The following NPTN variants were observed in gnomAD, a reference collection of about 807,000 sequenced individuals.
NPTN encodes the protein SDR-1.
A neutral mutation model predicts 42.7 loss-of-function variants in NPTN; 5 were observed. That is an observed-to-expected ratio of 0.12 (90% CI 0.06 to 0.25). The LOEUF (loss-of-function observed/expected upper bound fraction) is 0.25, where lower values mean the gene tolerates loss of function less well. Among genes scored for constraint, NPTN ranks in the 10% least tolerant of loss-of-function variants. The pLI, the probability that NPTN is intolerant of heterozygous loss-of-function variation, is 1.00. For missense variants in NPTN, 307 were observed against 525.4 expected (o/e 0.58, Z 4.06); for synonymous variants, 180 against 201.9 (o/e 0.89, Z 0.92).
At chr15:73,605,104 G>GGT (rs1566980448) in intron 1 of NPTN, among the ~76,000 whole-genome samples, 1 of 145,944 alleles carries the variant, frequency 6.9e-6, no homozygotes, top group Non-Finnish European at 1.5e-5. Context: ...TCTCAAGGGG[G>GGT]GGGGGGGAAA....
intron 4 of NPTN, among the ~76,000 whole-genome samples, chr15:73,583,267 T>G (rs1896147365): frequency 6.6e-6 from 1 of 152,168 alleles, no homozygotes; most frequent in Non-Finnish European, 1.5e-5. Flanking sequence ...TAACTCTTAG[T>G]CAAGGCCTTT....
At chr15:73,620,862 A>C (rs1302451186) in intron 1 of NPTN, among the ~76,000 whole-genome samples, 1 of 152,216 alleles carries the variant, frequency 6.6e-6, no homozygotes. Context: ...TGGTTTTTCT[A>C]ATATAAACAA....
chr15:73,596,910 A>T (rs914078756), intron 2 of NPTN, 112 bp downstream of exon 2: 2 of 869,588 alleles, frequency 2.3e-6, no homozygotes, highest in East Asian at 5.3e-5. Flanking sequence ...AAACGAAGAC[A>T]AGGGGTGGGG....
chr15:73,574,043 T>C (rs1895553466), intron 4 of NPTN, among the ~76,000 whole-genome samples: 1 of 152,220 alleles, frequency 6.6e-6, no homozygotes, highest in Non-Finnish European at 1.5e-5. Flanking sequence ...TCTACTAATG[T>C]AGGTGATTCT....
rs563652762 is a variant in NPTN, at chr15:73,572,808, T to C, written c.840+854A>G. On this transcript the variant is annotated intron_variant, in intron 5 of 8. Transcript: ENST00000345330. Reference sequence around the variant, plus strand: ...AGTGTCCTATCCTGAAGGCAAGTGATATGGTTTGGATTTTGTCTTCACCCC... The same window carrying C: ...AGTGTCCTATCCTGAAGGCAAGTGACATGGTTTGGATTTTGTCTTCACCCC... Among the ~76,000 whole-genome samples, 13 of 152,320 alleles carry C rather than the reference T, an allele frequency of 8.5e-5. No individual in the cohort carries two copies. In the South Asian group the frequency reaches 2.7e-3, roughly 32 times the overall value.
intron 6 of NPTN, among the ~76,000 whole-genome samples, chr15:73,564,616 T>C (rs1335757181): frequency 6.6e-6 from 1 of 151,968 alleles, no homozygotes; most frequent in Non-Finnish European, 1.5e-5. Flanking sequence ...AACTAAGACT[T>C]AAGGACACCC....
chr15:73,574,086 G>C (rs1290862071), intron 4 of NPTN, among the ~76,000 whole-genome samples: 1 of 152,174 alleles, frequency 6.6e-6, no homozygotes, highest in Non-Finnish European at 1.5e-5. Context: ...AGGTCCAACT[G>C]CCCTCAATTA....
chr15:73,580,492 TACATAAA>T (rs1481286308), intron 4 of NPTN, among the ~76,000 whole-genome samples: 22 of 134,908 alleles, frequency 1.6e-4, no homozygotes, highest in African/African-American at 6.2e-4. Flanking sequence ...AATATATATA[TACATAAA>T]TATATATATT....
At chr15:73,628,767 TTTTA>T (rs1462976794) in intron 1 of NPTN, among the ~76,000 whole-genome samples, 21 of 152,030 alleles carry the variant, frequency 1.4e-4, no homozygotes, top group Admixed American at 7.2e-4. Context: ...AAATAATTAT[TTTTA>T]TTTAAACTTT....
intron 2 of NPTN, among the ~76,000 whole-genome samples, chr15:73,595,751 C>A (rs1896808338): frequency 6.6e-6 from 1 of 152,138 alleles, no homozygotes; most frequent in African/African-American, 2.4e-5. Context: ...CAATTATAAC[C>A]AGGTTTGATG....
At chr15:73,588,961 G>T (rs1896454835) in intron 3 of NPTN, among the ~76,000 whole-genome samples, 1 of 152,120 alleles carries the variant, frequency 6.6e-6, no homozygotes, top group South Asian at 2.1e-4. Context: ...ATGAATTACT[G>T]AGTGAACACA....
intron 5 of NPTN, among the ~76,000 whole-genome samples, chr15:73,573,414 G>A (rs1244813464): frequency 6.6e-6 from 1 of 152,120 alleles, no homozygotes; most frequent in Non-Finnish European, 1.5e-5. Context: ...AGTGAGAATG[G>A]ACTAATACAG....
At chr15:73,581,305 T>A (rs1896031048) in intron 4 of NPTN, among the ~76,000 whole-genome samples, 1 of 152,204 alleles carries the variant, frequency 6.6e-6, no homozygotes, top group African/African-American at 2.4e-5. Flanking sequence ...TCTGAGCGTC[T>A]AACTAAGCCT....
At chr15:73,607,701 T>C (rs1163342655) in intron 1 of NPTN, among the ~76,000 whole-genome samples, 3 of 152,214 alleles carry the variant, frequency 2.0e-5, no homozygotes, top group Non-Finnish European at 2.9e-5. Context: ...AAATAGCTTA[T>C]AGCAGAAATC....
At position 73,573,810 on chromosome 15, in the gene NPTN, T is replaced by TA. The variant is rs1895541543; in HGVS notation, c.707-16dup. On this transcript the variant is annotated splice_polypyrimidine_tract_variant and intron_variant, in intron 4 of 8. Transcript: ENST00000345330. ...GTCAGGAGCGGCTGTGAGAAAGCGT[T>TA]AGACGCAGTTACCACGGAAGTCTAC... 1 of 1,604,776 alleles carries TA rather than the reference T, an allele frequency of 6.2e-7. No homozygotes were observed. The highest frequency in any genetic ancestry group is 8.5e-7 in the Non-Finnish European group (1 of 1,176,024).
intron 1 of NPTN, among the ~76,000 whole-genome samples, chr15:73,602,846 C>G (rs1206053571): frequency 6.6e-6 from 1 of 152,210 alleles, no homozygotes; most frequent in Non-Finnish European, 1.5e-5. Context: ...GTACCTTGAT[C>G]AGGCAGATAT....
At chr15:73,577,551 C>G (rs1337166359) in intron 4 of NPTN, among the ~76,000 whole-genome samples, 1 of 152,196 alleles carries the variant, frequency 6.6e-6, no homozygotes, top group African/African-American at 2.4e-5. Flanking sequence ...GGTAACAACC[C>G]TTTCCCAAAA....
intron 1 of NPTN, among the ~76,000 whole-genome samples, chr15:73,618,670 A>G (rs1270451423): frequency 1.3e-5 from 2 of 152,134 alleles, no homozygotes; most frequent in Non-Finnish European, 2.9e-5. Flanking sequence ...CTCTGTCTCT[A>G]TGAAATATTT....
At chr15:73,567,449 C>T (rs541270807) in intron 6 of NPTN, 12 of 985,152 alleles carry the variant, frequency 1.2e-5, no homozygotes, top group East Asian at 1.1e-4. Flanking sequence ...TGTACCTCTT[C>T]GTTTATTCCA....
Sources: allele counts gnomAD v4.1 joint callset (sites outside exome capture counted in the v4.1 genomes callset), GRCh38; gene constraint gnomAD v4.1.1; transcripts MANE v1.5; gene names NCBI Gene and HGNC (gene_info 2026-07-23, HGNC 2026-07-21).